The following GLI2 variants were observed in gnomAD, a reference collection of about 807,000 sequenced individuals.
GLI2 encodes transcription activator GLI2.
A neutral mutation model predicts 78.9 loss-of-function variants in GLI2; 22 were observed. That is an observed-to-expected ratio of 0.28 (90% confidence interval 0.20 to 0.40). The LOEUF is 0.40. Ranked by LOEUF, GLI2 falls within the 10% of genes least tolerant of loss-of-function variation. GLI2 has a pLI of 1.00. For synonymous variants in GLI2, 974 were observed against 963.7 expected, an observed-to-expected ratio of 1.01 and a Z score of -0.20; for missense variants, 2,097 against 2,213.2, an observed-to-expected ratio of 0.95 and a Z score of 1.05.
chr2:120,809,832 G>T (rs1228764148), intron 2 of GLI2, among the ~76,000 whole-genome samples: 1 of 152,160 alleles, frequency 6.6e-6, no homozygotes, highest in Non-Finnish European at 1.5e-5. Flanking sequence ...GAGTTTGGAG[G>T]GGAGCTGAGT....
At chr2:120,834,697 T>A (rs2104775471) in intron 2 of GLI2, among the ~76,000 whole-genome samples, 1 of 152,332 alleles carries the variant, frequency 6.6e-6, no homozygotes. Context: ...CAGACCCCTT[T>A]GTTCACAGAC....
At chr2:120,808,766 G>A (rs1685079996) in intron 2 of GLI2, among the ~76,000 whole-genome samples, 1 of 152,216 alleles carries the variant, frequency 6.6e-6, no homozygotes, top group Non-Finnish European at 1.5e-5. Context: ...GGGGTGACAA[G>A]GCTCCCCTCA....
At chr2:120,874,419 A>G (rs867883315) in intron 2 of GLI2, among the ~76,000 whole-genome samples, 21 of 152,368 alleles carry the variant, frequency 1.4e-4, no homozygotes, top group Middle Eastern at 6.8e-3. Flanking sequence ...GAAAGTTGTC[A>G]CAAAACACTG....
chr2:120,913,539 A>G (rs1206262808), intron 2 of GLI2, among the ~76,000 whole-genome samples: 1 of 152,194 alleles, frequency 6.6e-6, no homozygotes, highest in Non-Finnish European at 1.5e-5. Flanking sequence ...CCAGGGCTGC[A>G]TTGGATGAGT....
chr2:120,849,042 G>T (rs181442932), intron 2 of GLI2, among the ~76,000 whole-genome samples: 1 of 152,332 alleles, frequency 6.6e-6, no homozygotes, highest in East Asian at 1.9e-4. Flanking sequence ...CAACATGGAT[G>T]AACCCCAAGG....
chr2:120,845,449 C>T (rs1464765682), intron 2 of GLI2, among the ~76,000 whole-genome samples: 1 of 152,208 alleles, frequency 6.6e-6, no homozygotes, highest in East Asian at 1.9e-4. Context: ...CAGCCAAGGC[C>T]CAGGCACGCC....
chr2:120,791,454 GT>G (rs1684154420), intron 1 of GLI2, among the ~76,000 whole-genome samples: 1 of 152,246 alleles, frequency 6.6e-6, no homozygotes, highest in Non-Finnish European at 1.5e-5. Flanking sequence ...GCCTCAGGCC[GT>G]GAGTCGGCTG....
intron 2 of GLI2, among the ~76,000 whole-genome samples, chr2:120,914,979 C>T (rs1679020681): frequency 6.6e-6 from 1 of 152,222 alleles, no homozygotes; most frequent in South Asian, 2.1e-4. Flanking sequence ...GAACAGATCC[C>T]ATGACTGCCT....
chr2:120,898,119 C>A (rs922907001), intron 2 of GLI2, among the ~76,000 whole-genome samples: 1 of 151,488 alleles, frequency 6.6e-6, no homozygotes, highest in Non-Finnish European at 1.5e-5. Context: ...CCATCCACCC[C>A]CTACTCCCTC....
intron 1 of GLI2, among the ~76,000 whole-genome samples, chr2:120,776,880 G>A (rs1356404439): frequency 6.6e-6 from 1 of 152,006 alleles, no homozygotes. Context: ...CGTGTAGAGG[G>A]CCCAAGGGTC....
chr2:120,945,223 C>T (rs945632842), intron 3 of GLI2, among the ~76,000 whole-genome samples: 1 of 152,246 alleles, frequency 6.6e-6, no homozygotes, highest in Non-Finnish European at 1.5e-5. Context: ...GCGGAGTCAG[C>T]CGTGAGGCCG....
intron 9 of GLI2, among the ~76,000 whole-genome samples, chr2:120,976,152 T>A (rs1682447948): frequency 6.6e-6 from 1 of 152,170 alleles, no homozygotes; most frequent in Non-Finnish European, 1.5e-5. Flanking sequence ...AGTAGCTCGA[T>A]TGCTGGGAAG....
intron 2 of GLI2, among the ~76,000 whole-genome samples, chr2:120,902,203 C>T (rs953358059): frequency 1.2e-3 from 153 of 124,764 alleles, no homozygotes; most frequent in South Asian, 5.1e-4. Context: ...CCACCCCCAA[C>T]CCCTTGCCCC....
At chr2:120,939,626 G>A (rs1251087857) in intron 3 of GLI2, among the ~76,000 whole-genome samples, 1 of 152,224 alleles carries the variant, frequency 6.6e-6, no homozygotes, top group Non-Finnish European at 1.5e-5. Flanking sequence ...TCCTGCTAAT[G>A]TGTAGGGCTC....
At position 120,978,452 on chromosome 2, in the gene GLI2, A is replaced by G. The variant is rs750753215; in HGVS notation, c.1336A>G (p.Ile446Val). 4.3e-6 allele frequency: 7 copies of G among 1,614,066 alleles called. No homozygotes were observed. The highest frequency in any genetic ancestry group is 5.9e-6 in the Non-Finnish European group (7 of 1,180,028). The change falls in exon 10 of 14, where the codon ATC becomes GTC. Residue 446 changes from isoleucine to valine, a missense_variant. Ile to Val is a conservative substitution (Grantham distance 29). Around this residue, in one of 5 missense-constraint regions of GLI2, gnomAD observed 578 missense variants for 612.0 expected, o/e 0.94. Transcript: ENST00000361492. ...CCGGCAGCACATCAACAACGAGCAC[A>G]TCCACGGGGAGAAGAAGGAGTTTGT... ...QLVHHINNEH[I>V]HGEKKEFVCR... is the part of the protein sequence containing the mutation.
intron 8 of GLI2, among the ~76,000 whole-genome samples, chr2:120,972,388 G>A (rs993924112): frequency 3.3e-5 from 5 of 152,234 alleles, no homozygotes; most frequent in Admixed American, 6.5e-5. Context: ...ACCAGCCACA[G>A]CCTAGTTGAG....
intron 2 of GLI2, among the ~76,000 whole-genome samples, chr2:120,861,630 G>A (rs1188513704): frequency 6.6e-6 from 1 of 152,266 alleles, no homozygotes; most frequent in African/African-American, 2.4e-5. Context: ...TGCCACAGCA[G>A]GGATTAACCC....
At position 120,761,536 on chromosome 2, in the gene GLI2, G is replaced by C. The variant is rs971878333; in HGVS notation, c.-31+25251G>C. ...AGGAATTTGCAACTGGAACCCAGAGGGGGTGTGTGTGCAGAGGTGGAGGGC... is the reference window on the plus strand; with the variant it reads ...AGGAATTTGCAACTGGAACCCAGAGCGGGTGTGTGTGCAGAGGTGGAGGGC... On this transcript the variant is annotated intron_variant, in intron 1 of 13. Coordinates refer to ENST00000361492, the MANE Select transcript of GLI2 (RefSeq NM_001374353.1). 3.3e-5 allele frequency among the ~76,000 whole-genome samples: 5 copies of C among 152,218 alleles called. 1 individual carries two copies. Among genetic ancestry groups the C allele is most frequent in the African/African-American group, 9.6e-5 (4 of 41,458 alleles).
At chr2:120,909,826 C>T (rs1373286363) in intron 2 of GLI2, among the ~76,000 whole-genome samples, 2 of 152,222 alleles carry the variant, frequency 1.3e-5, no homozygotes, top group Non-Finnish European at 2.9e-5. Flanking sequence ...GATCACGCCA[C>T]TGCACTCCGG....
Sources: gnomAD v4.1 joint callset for allele counts (sites outside exome capture counted in the v4.1 genomes callset) on GRCh38, gnomAD v4.1.1 for gene constraint, gnomAD v4.1.1 regional missense constraint, MANE v1.5 for transcripts, NCBI Gene and HGNC (gene_info 2026-07-23, HGNC 2026-07-21) for gene names.